Variants in SNX9 observed in about 807,000 individuals in gnomAD.
The protein encoded by SNX9 is sorting nexin 9, also known as sorting nexin-9.
Under a neutral mutation model 89.4 loss-of-function variants are expected in SNX9, and 44 were observed. The observed-to-expected ratio is 0.49, with a 90% CI of 0.39 to 0.63. SNX9 has a LOEUF of 0.63. SNX9 is among the 30% of genes least tolerant of loss of function. The pLI is 0.00. For missense variants in SNX9, 578 were observed against 736.1 expected, an observed-to-expected ratio of 0.79 and a Z score of 2.49; for synonymous variants, 236 against 247.8, an observed-to-expected ratio of 0.95 and a Z score of 0.45.
chr6:157,823,750 C>A lies in SNX9; in HGVS notation c.12+304C>A, dbSNP rs530119312. 3.3e-3 allele frequency among the ~76,000 whole-genome samples: 496 copies of A among 152,006 alleles called. 1 individual carries two copies. The highest frequency in any genetic ancestry group is 0.017 in the Middle Eastern group (5 of 290). The stretch of plus-strand genomic sequence containing the variant: ...ACCTGAGCGTGGGCTGCGGCGGGCT[C>A]GCCGGGAGGGGCCGCGGGACGGAAA... On this transcript the variant is annotated intron_variant, in intron 1 of 17. Coordinates refer to ENST00000392185, the MANE Select transcript of SNX9 (RefSeq NM_016224.5). The surrounding 1 kb of genome is among the most constrained non-coding windows in gnomAD (Gnocchi z 4.6).
intron 4 of SNX9, among the ~76,000 whole-genome samples, chr6:157,877,670 T>A (rs1782546254): frequency 6.6e-6 from 1 of 152,146 alleles, no homozygotes; most frequent in Non-Finnish European, 1.5e-5. Flanking sequence ...GCCTGTGCTC[T>A]CTCCCAGGGT....
chr6:157,930,962 T>G (rs1210289928), intron 12 of SNX9, among the ~76,000 whole-genome samples: 2 of 152,252 alleles, frequency 1.3e-5, no homozygotes, highest in African/African-American at 4.8e-5. Flanking sequence ...TCATAAAAAT[T>G]TGGGATTATG....
intron 4 of SNX9, among the ~76,000 whole-genome samples, chr6:157,877,288 G>A (rs2115144496): frequency 6.6e-6 from 1 of 151,332 alleles, no homozygotes; most frequent in African/African-American, 2.4e-5. Flanking sequence ...AAGCGGGGGG[G>A]GCATCTAGTC....
At chr6:157,837,275 A>G (rs574638426) in intron 1 of SNX9, among the ~76,000 whole-genome samples, 47 of 152,316 alleles carry the variant, frequency 3.1e-4, no homozygotes, top group African/African-American at 8.2e-4. Flanking sequence ...TCACATTACC[A>G]TGGAGGCTGG....
At chr6:157,845,272 C>A (rs1402403996) in intron 1 of SNX9, among the ~76,000 whole-genome samples, 1 of 152,038 alleles carries the variant, frequency 6.6e-6, no homozygotes. Flanking sequence ...CCATGCCCAG[C>A]TAATTTTTTT....
chr6:157,897,069 TG>T, intron 5 of SNX9, 71 bp downstream of exon 5: 1 of 1,396,734 alleles, frequency 7.2e-7, no homozygotes. Flanking sequence ...AAGACCGAAC[TG>T]TTTTTGCTGT....
rs919790478 is a variant in SNX9, at chr6:157,898,886, G to A, written c.472+1888G>A. On this transcript the variant is annotated intron_variant, in intron 5 of 17. Transcript: ENST00000392185. ...TGCCTGTCAGCAGGACCAGGGGTGTGGGCTGGGTAGAAGCGTTGGGAGACT... is the reference window on the plus strand; with the variant it reads ...TGCCTGTCAGCAGGACCAGGGGTGTAGGCTGGGTAGAAGCGTTGGGAGACT... 5.9e-5 allele frequency among the ~76,000 whole-genome samples: 9 copies of A among 152,168 alleles called. 1 individual carries two copies. Among genetic ancestry groups the A allele is most frequent in the Admixed American group, 5.9e-4 (9 of 15,270 alleles).
chr6:157,828,582 T>G (rs578091249), intron 1 of SNX9, among the ~76,000 whole-genome samples: 25 of 152,212 alleles, frequency 1.6e-4, no homozygotes, highest in Admixed American at 3.3e-4. Context: ...CAGTCTCGAC[T>G]TCCCTGGCTC....
At position 157,942,912 on chromosome 6, in the gene SNX9, C is replaced by G; in HGVS notation, c.*74C>G. 1 of 1,465,330 alleles carries G rather than the reference C, an allele frequency of 6.8e-7. No individual in the cohort carries two copies. The highest frequency in any genetic ancestry group is 9.3e-7 in the Non-Finnish European group (1 of 1,081,062). The allele number at this position is 1,465,330 out of a possible 1,614,324, so 90.8% of individuals were successfully genotyped here. A position where few individuals can be genotyped will look rare whatever the true frequency, so the allele number is the denominator to read the frequency against. On this transcript the variant is annotated 3_prime_UTR_variant, in exon 18 of 18. Transcript: ENST00000392185. ...GGCAATGCAATTCAAAACTTTTTTT[C>G]CCCTATTATTCAGAAAAAAAAGGAA...
chr6:157,859,071 TC>T (rs1426375295), intron 1 of SNX9, among the ~76,000 whole-genome samples: 1 of 152,258 alleles, frequency 6.6e-6, no homozygotes, highest in Non-Finnish European at 1.5e-5. Flanking sequence ...TTAAGTTTAT[TC>T]CTAAATATTT....
intron 1 of SNX9, among the ~76,000 whole-genome samples, chr6:157,826,457 G>T (rs944656589): frequency 1.4e-5 from 2 of 147,520 alleles, no homozygotes; most frequent in African/African-American, 5.1e-5. Flanking sequence ...CCGATTTTGC[G>T]CCACTGCACT....
chr6:157,882,531 G>A (rs780967971), intron 4 of SNX9, among the ~76,000 whole-genome samples: 3 of 152,114 alleles, frequency 2.0e-5, no homozygotes, highest in Admixed American at 6.6e-5. Flanking sequence ...AAAGTACATC[G>A]AAAACCTTCT....
At chr6:157,854,917 A>G (rs1781979092) in intron 1 of SNX9, among the ~76,000 whole-genome samples, 1 of 151,138 alleles carries the variant, frequency 6.6e-6, no homozygotes, top group East Asian at 1.9e-4. Flanking sequence ...AGTGCTTTAA[A>G]TTTTTAATTT....
intron 1 of SNX9, among the ~76,000 whole-genome samples, chr6:157,842,960 C>G (rs1781731673): frequency 6.6e-6 from 1 of 152,192 alleles, no homozygotes; most frequent in South Asian, 2.1e-4. Context: ...AATTTTGTTT[C>G]AGAGTCAAAC....
chr6:157,883,503 C>A (rs912887737), intron 4 of SNX9, among the ~76,000 whole-genome samples: 1 of 152,136 alleles, frequency 6.6e-6, no homozygotes, highest in Non-Finnish European at 1.5e-5. Context: ...AGACGCTGAA[C>A]GGTTCATGGT....
chr6:157,824,463 CTA>C (rs1781304173), intron 1 of SNX9, among the ~76,000 whole-genome samples: 1 of 152,120 alleles, frequency 6.6e-6, no homozygotes, highest in South Asian at 2.1e-4. Flanking sequence ...ACCCCTTTGT[CTA>C]TTTGTTTTTG....
chr6:157,936,116 A>C, intron 14 of SNX9, 76 bp downstream of exon 14: 1 of 1,132,614 alleles, frequency 8.8e-7, no homozygotes, highest in Non-Finnish European at 1.3e-6. Context: ...AACCTGTCTT[A>C]GGACAAACGT....
At chr6:157,894,106 CTTT>C (rs746909411) in intron 4 of SNX9, among the ~76,000 whole-genome samples, 6,296 of 89,150 alleles carry the variant, frequency 0.071, 104 homozygotes, top group East Asian at 0.11. Flanking sequence ...CTTTTCTTTT[CTTT>C]TTTTTTTTTT....
intron 2 of SNX9, chr6:157,872,666 G>C (rs1427367469): frequency 6.5e-6 from 1 of 153,032 alleles, no homozygotes; most frequent in Non-Finnish European, 1.5e-5. Flanking sequence ...GTCAGCTGAA[G>C]TGTGCAGAAG....
Sources: gnomAD v4.1 joint callset for allele counts (sites outside exome capture counted in the v4.1 genomes callset) on GRCh38, gnomAD v4.1.1 for gene constraint, Gnocchi (gnomAD v3.1) non-coding constraint, MANE v1.5 for transcripts, NCBI Gene and HGNC (gene_info 2026-07-23, HGNC 2026-07-21) for gene names.